VWF: variants seen among roughly 807,000 people sequenced by gnomAD.
VWF encodes the protein Factor VIII related antigen.
A neutral mutation model predicts 308.6 loss-of-function variants in VWF; 176 were observed. The ratio of observed to expected loss-of-function variants is 0.57; its 90% CI spans 0.50 to 0.65. The LOEUF (loss-of-function observed/expected upper bound fraction) is 0.65, where lower values mean the gene tolerates loss of function less well. VWF is among the 30% of genes least tolerant of loss of function. The probability of loss-of-function intolerance (pLI) is 0.00; values close to 1 mark genes in which losing one functional copy is unlikely to be tolerated. For synonymous variants in VWF, 1,385 were observed against 1,443.4 expected, an observed-to-expected ratio of 0.96 and a Z score of 0.92; for missense variants, 3,146 against 3,648.2, an observed-to-expected ratio of 0.86 and a Z score of 3.55.
chr12:5,984,320 T>C (rs11063972), intron 40 of VWF, among the ~76,000 whole-genome samples: 11,490 of 152,326 alleles, frequency 0.075, 635 homozygotes, highest in East Asian at 0.25. Context: ...TTAATTGTTC[T>C]CAAGCCACAT....
chr12:6,056,946 C>T lies in VWF; in HGVS notation c.1856G>A (p.Arg619His), dbSNP rs902690502. The T allele has an allele frequency of 6.5e-7, 1 of 1,537,108 alleles. No individual in the cohort carries two copies. Among genetic ancestry groups the T allele is most frequent in the Non-Finnish European group, 8.7e-7 (1 of 1,146,710 alleles). ...GGCCAGGGCGCCGCACAGGCACTCGCGGCCGTCCGAGCAGGAGCACACGTC... is the reference window on the plus strand; with the variant it reads ...GGCCAGGGCGCCGCACAGGCACTCGTGGCCGTCCGAGCAGGAGCACACGTC... ...RYDVCSCSDG[R>H]ECLCGALASY... The change falls in exon 15 of 52, where the codon CGC (arginine) becomes CAC (histidine). Residue 619 changes from arginine (R) to histidine (H), a missense_variant. Transcript: ENST00000261405.
chr12:5,964,270 ACATGCATACATACATG>A (rs1301051467), intron 47 of VWF, among the ~76,000 whole-genome samples: 1 of 139,066 alleles, frequency 7.2e-6, no homozygotes, highest in African/African-American at 3.1e-5. Flanking sequence ...ATACATACAT[ACATGCATACATACATG>A]CATACATACA....
In VWF at chr12:6,065,130, A is replaced by G; in HGVS notation, c.1293+7T>C. 6.2e-7 allele frequency: 1 copy of G among 1,614,198 alleles called. No homozygotes were observed. The highest frequency in any genetic ancestry group is 1.7e-5 in the Admixed American group (1 of 60,036). On this transcript the variant is annotated splice_region_variant and intron_variant, in intron 11 of 51. Transcript: ENST00000261405. Reference sequence around the variant, plus strand: ...ACCCGACCAGCAGCCGGGCTGGCAAAGCTCACCTGGACAGTCTCAATGACA... The same window carrying G: ...ACCCGACCAGCAGCCGGGCTGGCAAGGCTCACCTGGACAGTCTCAATGACA...
chr12:6,051,310 GAGAT>G (rs1166279759), intron 16 of VWF, among the ~76,000 whole-genome samples: 1 of 59,980 alleles, frequency 1.7e-5, no homozygotes, highest in Non-Finnish European at 3.2e-5. Flanking sequence ...TTTTTTTTTT[GAGAT>G]AGAGTCTCGC....
intron 10 of VWF, among the ~76,000 whole-genome samples, chr12:6,067,871 T>C (rs1944734066): frequency 6.6e-6 from 1 of 151,908 alleles, no homozygotes. Flanking sequence ...TCATGGCTCA[T>C]GCCTATAATC....
intron 14 of VWF, 62 bp downstream of exon 14, chr12:6,057,787 T>C: frequency 2.0e-6 from 3 of 1,523,080 alleles, no homozygotes; most frequent in Non-Finnish European, 2.6e-6. Flanking sequence ...CGGAACGCAC[T>C]GCACTAATGT....
At chr12:5,960,286 T>C (rs1325662541) in intron 47 of VWF, among the ~76,000 whole-genome samples, 3 of 151,924 alleles carry the variant, frequency 2.0e-5, no homozygotes, top group Non-Finnish European at 2.9e-5. Context: ...ATAAGTTCCA[T>C]GAAAAACTGA....
At chr12:6,102,407 A>C (rs1011900617) in intron 5 of VWF, among the ~76,000 whole-genome samples, 2 of 151,182 alleles carry the variant, frequency 1.3e-5, no homozygotes, top group African/African-American at 4.9e-5. Context: ...GCTCTGCTGC[A>C]CTCCAGACTG....
At chr12:6,059,369 G>A (rs189846859) in intron 13 of VWF, among the ~76,000 whole-genome samples, 7 of 152,338 alleles carry the variant, frequency 4.6e-5, no homozygotes, top group Non-Finnish European at 7.3e-5. Context: ...AATGAGGCAA[G>A]GATTTTTGTC....
chr12:5,953,976 C>T (rs12317523), intron 47 of VWF: 64,970 of 225,412 alleles, frequency 0.29, 10,307 homozygotes, highest in African/African-American at 0.39. Context: ...TGGTAAGTGG[C>T]GTTAATCACC....
chr12:5,956,880 T>C (rs1440996342), intron 47 of VWF, among the ~76,000 whole-genome samples: 2 of 152,188 alleles, frequency 1.3e-5, no homozygotes, highest in Non-Finnish European at 2.9e-5. Flanking sequence ...GTAGTAAATT[T>C]AGGGTAGCCT....
chr12:6,066,373 C>G (rs1197596358), intron 10 of VWF, among the ~76,000 whole-genome samples: 1 of 152,242 alleles, frequency 6.6e-6, no homozygotes, highest in East Asian at 1.9e-4. Context: ...TCCACCTGCT[C>G]TCATCTTTGC....
In VWF at chr12:6,071,351, A is replaced by AG; in HGVS notation, c.1110-9dup. 6.2e-7 allele frequency: 1 copy of AG among 1,614,054 alleles called. No homozygotes were observed. On this transcript the variant is annotated splice_polypyrimidine_tract_variant and intron_variant, in intron 9 of 51. Coordinates refer to ENST00000261405, the MANE Select transcript of VWF (RefSeq NM_000552.5). ...TGGCTGTTTCGGCAAATGCTGTTGG[A>AG]GGGAAAAAGCACAGGTCATTGGTGG...
At chr12:5,958,940 G>C (rs1421220354) in intron 47 of VWF, among the ~76,000 whole-genome samples, 1 of 152,108 alleles carries the variant, frequency 6.6e-6, no homozygotes, top group African/African-American at 2.4e-5. Flanking sequence ...AGGTGGCTGG[G>C]TGCGGTGGCT....
At chr12:6,103,617 G>C (rs1278760336) in intron 5 of VWF, among the ~76,000 whole-genome samples, 1 of 151,268 alleles carries the variant, frequency 6.6e-6, no homozygotes, top group East Asian at 1.9e-4. Flanking sequence ...CCCAGAGATA[G>C]AGCCAGTTGA....
intron 5 of VWF, among the ~76,000 whole-genome samples, chr12:6,109,108 G>T (rs1350364018): frequency 6.6e-6 from 1 of 151,876 alleles, no homozygotes; most frequent in East Asian, 1.9e-4. Flanking sequence ...GTACAGCTGG[G>T]CACAGTAACA....
chr12:6,099,544 A>T (rs1439632145), intron 5 of VWF, among the ~76,000 whole-genome samples: 1 of 152,156 alleles, frequency 6.6e-6, no homozygotes, highest in Non-Finnish European at 1.5e-5. Flanking sequence ...ATTATGAAAC[A>T]TGATGAAACA....
chr12:6,103,546 ACACAC>A (rs1323057753), intron 5 of VWF, among the ~76,000 whole-genome samples: 4 of 7,470 alleles, frequency 5.4e-4, no homozygotes, highest in Non-Finnish European at 6.1e-4. Context: ...ATATATGTAT[ACACAC>A]ACACACACAC....
At chr12:6,077,308 C>T (rs1223444137) in intron 6 of VWF, among the ~76,000 whole-genome samples, 1 of 152,192 alleles carries the variant, frequency 6.6e-6, no homozygotes, top group Non-Finnish European at 1.5e-5. Flanking sequence ...GAGCGAGACC[C>T]TGTCTCAAAA....
Sources: gnomAD v4.1 joint callset for allele counts (sites outside exome capture counted in the v4.1 genomes callset) on GRCh38, gnomAD v4.1.1 for gene constraint, MANE v1.5 for transcripts, NCBI Gene and HGNC (gene_info 2026-07-23, HGNC 2026-07-21) for gene names.